Variants in AFF1 observed in about 807,000 individuals in gnomAD.
AFF1 encodes the protein AF4/FMR2 family member 1.
AFF1 carries 48 observed loss-of-function variants against 121.7 expected under a neutral mutation model. That is an observed-to-expected ratio of 0.39 (90% CI 0.31 to 0.50). AFF1 has a LOEUF of 0.50. AFF1 is among the 20% of genes least tolerant of loss of function. The pLI is 0.76. For synonymous variants in AFF1, 613 were observed against 563.0 expected (o/e 1.09, Z -1.26); for missense variants, 1,523 against 1,511.7 (o/e 1.01, Z -0.12).
At chr4:86,944,005 A>G (rs1377936002) in intron 1 of AFF1, among the ~76,000 whole-genome samples, 1 of 151,676 alleles carries the variant, frequency 6.6e-6, no homozygotes, top group Non-Finnish European at 1.5e-5. Flanking sequence ...TAAGCCAGGC[A>G]TGGTGGCACA....
rs63510160 is a variant in AFF1 at position 87,002,119 on chromosome 4, T to C, written c.39-44047T>C. Among the ~76,000 whole-genome samples, 833 of 148,658 alleles carry C rather than the reference T, an allele frequency of 5.6e-3. 6 individuals are homozygous for C. The highest frequency in any genetic ancestry group is 0.02 in the African/African-American group (764 of 39,084). Reference sequence around the variant, plus strand: ...TTTTCTTTTCCTTTTTTTTTTTTTTTCCCAGAGACGGTCTTGCTCTGTTGC... The same window carrying C: ...TTTTCTTTTCCTTTTTTTTTTTTTTCCCCAGAGACGGTCTTGCTCTGTTGC... On this transcript the variant is annotated intron_variant, in intron 2 of 20. Coordinates refer to ENST00000395146, the MANE Select transcript of AFF1 (RefSeq NM_001166693.3).
At chr4:87,127,441 G>A (rs1728392614) in intron 15 of AFF1, among the ~76,000 whole-genome samples, 1 of 152,076 alleles carries the variant, frequency 6.6e-6, no homozygotes, top group African/African-American at 2.4e-5. Context: ...GGGATTACAG[G>A]CGTGAGCCAC....
chr4:86,995,525 G>A (rs1274304374), intron 2 of AFF1, among the ~76,000 whole-genome samples: 3 of 152,004 alleles, frequency 2.0e-5, no homozygotes, highest in African/African-American at 7.2e-5. Context: ...TGTTGGCCGG[G>A]CTGGTCTCCA....
At chr4:87,001,021 C>G (rs1725669268) in intron 2 of AFF1, among the ~76,000 whole-genome samples, 1 of 151,974 alleles carries the variant, frequency 6.6e-6, no homozygotes, top group Non-Finnish European at 1.5e-5. Flanking sequence ...GGCATAGGCA[C>G]CTTGCCGCAG....
At chr4:87,114,216 A>G in intron 11 of AFF1, 151 bp from the exon 12 acceptor site, 2 of 633,804 alleles carry the variant, frequency 3.2e-6, no homozygotes, top group African/African-American at 1.9e-5. Flanking sequence ...TATAGAACTT[A>G]TAACTTGAGG....
At chr4:87,049,093 AAAGGGG>A (rs1342799814) in intron 4 of AFF1, among the ~76,000 whole-genome samples, 1 of 65,358 alleles carries the variant, frequency 1.5e-5, no homozygotes, top group Non-Finnish European at 3.0e-5. Flanking sequence ...AAAAAAAAAA[AAAGGGG>A]GGGGGGGGAC....
In AFF1 at chr4:87,094,909, C is replaced by T; in HGVS notation, c.1229-6C>T. 2 of 1,613,110 alleles carry T rather than the reference C, an allele frequency of 1.2e-6. No homozygotes were observed. ...TGTGCTGCTTTGATGTTTCTCTCCCCCACAGAACAATATGATACATCTTCA... is the reference window on the plus strand; with the variant it reads ...TGTGCTGCTTTGATGTTTCTCTCCCTCACAGAACAATATGATACATCTTCA... On this transcript the variant is annotated splice_polypyrimidine_tract_variant and splice_region_variant and intron_variant, in intron 7 of 20. Transcript: ENST00000395146.
chr4:87,083,956 G>A (rs1723423274), intron 4 of AFF1, among the ~76,000 whole-genome samples, 164 bp from the exon 5 acceptor site: 1 of 152,088 alleles, frequency 6.6e-6, no homozygotes, highest in African/African-American at 2.4e-5. Flanking sequence ...GGTAGAAATG[G>A]GGTTTTGCCA....
chr4:87,032,091 G>A (rs1477151207), intron 2 of AFF1, among the ~76,000 whole-genome samples: 1 of 152,162 alleles, frequency 6.6e-6, no homozygotes, highest in Admixed American at 6.5e-5. Flanking sequence ...CTCACAACAC[G>A]GCTTAGCAGA....
intron 2 of AFF1, among the ~76,000 whole-genome samples, chr4:87,021,594 T>C (rs961503270): frequency 2.0e-5 from 3 of 152,214 alleles, no homozygotes; most frequent in Non-Finnish European, 2.9e-5. Flanking sequence ...AAATAATAGA[T>C]GTAATTTAGG....
At chr4:87,126,819 C>T (rs540307388) in intron 14 of AFF1, among the ~76,000 whole-genome samples, 1 of 152,206 alleles carries the variant, frequency 6.6e-6, no homozygotes, top group Non-Finnish European at 1.5e-5. Flanking sequence ...CTTGGACATT[C>T]TAGTCTTTTT....
At chr4:86,946,469 C>A (rs1720870148) in intron 1 of AFF1, among the ~76,000 whole-genome samples, 1 of 138,236 alleles carries the variant, frequency 7.2e-6, no homozygotes, top group African/African-American at 2.6e-5. Context: ...CACCCACCCC[C>A]ACCTGCATCC....
intron 4 of AFF1, among the ~76,000 whole-genome samples, chr4:87,054,677 C>G (rs1719915461): frequency 6.6e-6 from 1 of 152,172 alleles, no homozygotes; most frequent in African/African-American, 2.4e-5. Context: ...GTGCCTGGAG[C>G]AGACGACTTC....
Position 87,139,033 on chromosome 4 carries a change from T to A in AFF1, c.*3332T>A, listed in dbSNP as rs1443853178. On this transcript the variant is annotated 3_prime_UTR_variant, in exon 21 of 21. Transcript: ENST00000395146. ...GTTACTAGCATCAGGAGCTTACTGT[T>A]TTATTATGATTCATCTTCAGTAATT... 4.4e-6 allele frequency: 1 copy of A among 224,932 alleles called. No homozygotes were observed. Among genetic ancestry groups the A allele is most frequent in the Non-Finnish European group, 8.9e-6 (1 of 112,936 alleles). The allele number at this position is 224,932 out of a possible 1,614,324, so 13.9% of individuals were successfully genotyped here.
chr4:87,103,650 C>T (rs2149741555), intron 8 of AFF1, among the ~76,000 whole-genome samples: 1 of 152,264 alleles, frequency 6.6e-6, no homozygotes, highest in South Asian at 2.1e-4. Context: ...CCTGTTTATC[C>T]TGAAGAGGAA....
At chr4:86,997,970 T>C (rs922916369) in intron 2 of AFF1, among the ~76,000 whole-genome samples, 8 of 151,592 alleles carry the variant, frequency 5.3e-5, no homozygotes, top group African/African-American at 1.9e-4. Context: ...TGGTGGCACA[T>C]GCCTGTAATC....
rs1489746568 is a variant in AFF1 at position 87,138,488 on chromosome 4, A to C, written c.*2787A>C. The C allele has an allele frequency of 6.0e-6, 1 of 166,080 alleles. No individual in the cohort carries two copies. The highest frequency in any genetic ancestry group is 1.1e-5 in the Non-Finnish European group (1 of 91,284). 10.3% of individuals were successfully genotyped at this position (166,080 alleles called of 1,614,324 possible). ...GTGTAAATCTTGCCTTTGGCACTAC[A>C]AGGTGTGTGTGTGTGTGTGTGTGTG... On this transcript the variant is annotated 3_prime_UTR_variant, in exon 21 of 21. Transcript: ENST00000395146.
At chr4:87,084,395 T>A (rs1723485452) in intron 5 of AFF1, among the ~76,000 whole-genome samples, 1 of 151,728 alleles carries the variant, frequency 6.6e-6, no homozygotes, top group Non-Finnish European at 1.5e-5. Context: ...TACAAAAAAT[T>A]AGCCAGGAGT....
chr4:87,061,363 C>A (rs1394871408), intron 4 of AFF1, among the ~76,000 whole-genome samples: 2 of 152,186 alleles, frequency 1.3e-5, no homozygotes, highest in Non-Finnish European at 1.5e-5. Context: ...TCCATAGTAC[C>A]TTAAACTGGG....
Sources: gnomAD v4.1 joint callset for allele counts (sites outside exome capture counted in the v4.1 genomes callset) on GRCh38, gnomAD v4.1.1 for gene constraint, MANE v1.5 for transcripts, NCBI Gene and HGNC (gene_info 2026-07-23, HGNC 2026-07-21) for gene names.